The following TLE3 variants were observed in gnomAD, a reference collection of about 807,000 sequenced individuals.
TLE3 encodes the protein TLE family member 3, transcriptional corepressor.
Under a neutral mutation model 93.0 loss-of-function variants are expected in TLE3, and 14 were observed. That is an observed-to-expected ratio of 0.15 (90% CI 0.10 to 0.24). The LOEUF (loss-of-function observed/expected upper bound fraction) is 0.24, where lower values mean the gene tolerates loss of function less well. Ranked by LOEUF, TLE3 falls within the 10% of genes least tolerant of loss-of-function variation. The pLI is 1.00. For missense variants in TLE3, 693 were observed against 1,046.6 expected, an observed-to-expected ratio of 0.66 and a Z score of 4.66; for synonymous variants, 451 against 425.0, an observed-to-expected ratio of 1.06 and a Z score of -0.75.
Position 70,048,097 on chromosome 15 carries a change from C to T in TLE3, c.*2000G>A, listed in dbSNP as rs1295341385. On this transcript the variant is annotated 3_prime_UTR_variant, in exon 20 of 20. Coordinates refer to ENST00000451782, the MANE Select transcript of TLE3 (RefSeq NM_001105192.3). Reference sequence around the variant, plus strand: ...ACATCGATGGGAAATGGCCCTGGCCCAGGCTCCAGAATGTGACAGCAACAG... The same window carrying T: ...ACATCGATGGGAAATGGCCCTGGCCTAGGCTCCAGAATGTGACAGCAACAG... 1 of 143,056 alleles carries T rather than the reference C, an allele frequency of 7.0e-6. No individual in the cohort carries two copies. Among genetic ancestry groups the T allele is most frequent in the Non-Finnish European group, 1.5e-5 (1 of 67,048 alleles). 8.9% of individuals were successfully genotyped at this position (143,056 alleles called of 1,614,324 possible). A position where few individuals can be genotyped will look rare whatever the true frequency, so the allele number is the denominator to read the frequency against.
chr15:70,050,416 A>G, intron 19 of TLE3: 1 of 490,458 alleles, frequency 2.0e-6, no homozygotes, highest in Non-Finnish European at 3.7e-6. Flanking sequence ...TTTCAGGTAG[A>G]GCTCCCCTCC....
At chr15:70,084,766 A>T (rs1595991436) in intron 4 of TLE3, among the ~76,000 whole-genome samples, 1 of 152,238 alleles carries the variant, frequency 6.6e-6, no homozygotes, top group South Asian at 2.1e-4. Context: ...AACAAGTCAC[A>T]TATGGGAAAG....
intron 3 of TLE3, chr15:70,095,309 CAAATT>C (rs1387124408): frequency 2.2e-6 from 3 of 1,360,018 alleles, no homozygotes; most frequent in East Asian, 3.0e-5. Context: ...TTTCAAAACA[CAAATT>C]AAAGGCACAT....
chr15:70,096,613 C>G lies in TLE3; in HGVS notation c.24+162G>C, dbSNP rs1430197194. 3.2e-6 allele frequency: 5 copies of G among 1,542,048 alleles called. No homozygotes were observed. In the Admixed American group the frequency reaches 9.8e-5, roughly 30 times the overall value. ...GCCACTCGCGCGGAATTAACCTCCT[C>G]TCTCAACGGCGCCCCCCGGCCGCAT... On this transcript the variant is annotated intron_variant, in intron 1 of 19. Transcript: ENST00000451782.
chr15:70,089,217 T>C (rs759198748), intron 4 of TLE3, among the ~76,000 whole-genome samples: 3 of 152,154 alleles, frequency 2.0e-5, no homozygotes, highest in Non-Finnish European at 4.4e-5. Flanking sequence ...TGAAGTCTGC[T>C]CTCACCCAAG....
intron 1 of TLE3, 79 bp from the exon 2 acceptor site, chr15:70,096,340 C>A: frequency 6.6e-7 from 1 of 1,521,402 alleles, no homozygotes; most frequent in Non-Finnish European, 8.8e-7. Context: ...CCCTCCCCAA[C>A]GGCGCCCAAC....
chr15:70,060,316 C>T (rs557503137), intron 9 of TLE3, among the ~76,000 whole-genome samples: 200 of 152,298 alleles, frequency 1.3e-3, no homozygotes, highest in African/African-American at 4.5e-3. Flanking sequence ...CATCCACCTC[C>T]GCCCCACAGT....
rs1044456292 is a variant in TLE3, at chr15:70,096,989, C to G, written c.-191G>C. On this transcript the variant is annotated 5_prime_UTR_variant, in exon 1 of 20. Transcript: ENST00000451782. ...CCCGCCCCAAGTGGAGACAAAGAGC[C>G]GCGGAGCAGGCGGCAAAGTCGTCGG... The G allele has an allele frequency of 1.6e-5, 11 of 699,120 alleles. No homozygotes were observed. The highest frequency in any genetic ancestry group is 1.9e-5 in the Non-Finnish European group (8 of 411,500). 43.3% of individuals were successfully genotyped at this position (699,120 alleles called of 1,614,324 possible).
chr15:70,089,676 G>C (rs927342618), intron 4 of TLE3, among the ~76,000 whole-genome samples: 1 of 152,200 alleles, frequency 6.6e-6, no homozygotes, highest in Non-Finnish European at 1.5e-5. Context: ...AATGAGACGA[G>C]GAATGAGTGC....
intron 4 of TLE3, among the ~76,000 whole-genome samples, chr15:70,088,352 T>A (rs181054467): frequency 1.0e-3 from 158 of 152,260 alleles, no homozygotes; most frequent in African/African-American, 3.6e-3. Flanking sequence ...CGGCAGGACG[T>A]TTCCCCCTTC....
rs772079848 is a variant in TLE3, at chr15:70,074,576, C to A, written c.329G>T (p.Arg110Leu). Residue 110 changes from arginine (R) to leucine (L), a missense_variant, in exon 6 of 20, where the codon CGC becomes CTC. Around this residue, in one of 4 missense-constraint regions of TLE3, gnomAD observed 104 missense variants for 173.8 expected, o/e 0.60. Transcript: ENST00000451782. ...CTCCGTCATGGTGACCTGCTTGGCG[C>A]GCTCCACTGCCTGCGCCACCTGCTG... ...HQQQVAQAVE[R>L]AKQVTMTELN... The A allele has an allele frequency of 6.2e-7, 1 of 1,612,292 alleles. No individual in the cohort carries two copies. Among genetic ancestry groups the A allele is most frequent in the South Asian group, 1.1e-5 (1 of 90,700 alleles).
intron 2 of TLE3, 62 bp downstream of exon 2, chr15:70,096,099 A>C (rs957284951): frequency 1.4e-6 from 2 of 1,417,472 alleles, no homozygotes; most frequent in African/African-American, 4.6e-5. Flanking sequence ...GGGGGATGGC[A>C]GGAGCCGCGC....
chr15:70,067,774 A>G (rs1434550987), intron 6 of TLE3, among the ~76,000 whole-genome samples: 1 of 152,206 alleles, frequency 6.6e-6, no homozygotes. Context: ...CCCAAAGTTA[A>G]CGGCAGCCAC....
Position 70,097,208 on chromosome 15 carries a change from G to C in TLE3, c.-410C>G. The C allele has an allele frequency of 2.5e-6, 1 of 406,726 alleles. No individual in the cohort carries two copies. The highest frequency in any genetic ancestry group is 4.3e-6 in the Non-Finnish European group (1 of 232,954). The allele number at this position is 406,726 out of a possible 1,614,324, so 25.2% of individuals were successfully genotyped here. A position where few individuals can be genotyped will look rare whatever the true frequency, so the allele number is the denominator to read the frequency against. ...CCTGGGGCGAGCTCGGGCCCCCTCC[G>C]GGTCACTCAGCGGGTCGCGCCTGTA... On this transcript the variant is annotated 5_prime_UTR_variant, in exon 1 of 20. Coordinates refer to ENST00000451782, the MANE Select transcript of TLE3 (RefSeq NM_001105192.3).
At chr15:70,079,454 C>G (rs976133958) in intron 4 of TLE3, 4 of 434,958 alleles carry the variant, frequency 9.2e-6, no homozygotes, top group Non-Finnish European at 1.8e-5. Flanking sequence ...CCCAGCCCCT[C>G]CCCTGGGAAA....
intron 12 of TLE3, 129 bp from the exon 13 acceptor site, chr15:70,057,787 C>A (rs1163769754): frequency 8.5e-7 from 1 of 1,180,624 alleles, no homozygotes; most frequent in Non-Finnish European, 1.2e-6. Context: ...CAGACTGAAC[C>A]CACCCAAGTG....
chr15:70,079,143 A>G (rs1212034235), intron 4 of TLE3, among the ~76,000 whole-genome samples: 1 of 151,794 alleles, frequency 6.6e-6, no homozygotes, highest in Admixed American at 6.6e-5. Context: ...GTCCTCTCTC[A>G]TTCTCACCCC....
chr15:70,069,984 C>T (rs2057048994), intron 6 of TLE3, among the ~76,000 whole-genome samples: 1 of 152,252 alleles, frequency 6.6e-6, no homozygotes, highest in East Asian at 1.9e-4. Flanking sequence ...AACTGGGTAG[C>T]TTTCCCCATG....
intron 6 of TLE3, among the ~76,000 whole-genome samples, chr15:70,071,134 T>C (rs928249100): frequency 6.6e-6 from 1 of 152,186 alleles, no homozygotes; most frequent in African/African-American, 2.4e-5. Flanking sequence ...TAAATCTGCT[T>C]GGGAAATATA....
Sources: gnomAD v4.1 joint callset for allele counts (sites outside exome capture counted in the v4.1 genomes callset) on GRCh38, gnomAD v4.1.1 for gene constraint, gnomAD v4.1.1 regional missense constraint, MANE v1.5 for transcripts, NCBI Gene and HGNC (gene_info 2026-07-23, HGNC 2026-07-21) for gene names.